Variants in PARD3B observed in about 807,000 individuals in gnomAD.
The protein encoded by PARD3B is par-3 family cell polarity regulator beta, also known as partitioning defective 3 homolog B.
A neutral mutation model predicts 130.2 loss-of-function variants in PARD3B; 103 were observed. The observed-to-expected ratio is 0.79, with a 90% CI of 0.67 to 0.93. PARD3B has a LOEUF of 0.93. Ranked by LOEUF, PARD3B falls within the 40% of genes least tolerant of loss-of-function variation. PARD3B has a pLI of 0.00. For synonymous variants in PARD3B, 583 were observed against 553.2 expected, an observed-to-expected ratio of 1.05 and a Z score of -0.76; for missense variants, 1,609 against 1,499.2, an observed-to-expected ratio of 1.07 and a Z score of -1.21.
intron 2 of PARD3B, among the ~76,000 whole-genome samples, chr2:204,792,513 A>G (rs1050301083): frequency 1.3e-5 from 2 of 151,820 alleles, no homozygotes; most frequent in African/African-American, 4.9e-5. Flanking sequence ...AAAACCAGAC[A>G]AATTCCTGAG....
At chr2:204,862,234 T>A (rs188776664) in intron 2 of PARD3B, among the ~76,000 whole-genome samples, 3 of 152,302 alleles carry the variant, frequency 2.0e-5, no homozygotes, top group Non-Finnish European at 4.4e-5. Flanking sequence ...GGAAGTGCAG[T>A]GGAAACCTCT....
chr2:205,054,580 T>C (rs1420133169), intron 4 of PARD3B, among the ~76,000 whole-genome samples: 1 of 151,220 alleles, frequency 6.6e-6, no homozygotes, highest in South Asian at 2.1e-4. Context: ...TATCTCCTAA[T>C]GCTATCCCTT....
chr2:205,607,330 G>A (rs945619161), intron 22 of PARD3B, among the ~76,000 whole-genome samples: 1 of 152,130 alleles, frequency 6.6e-6, no homozygotes, highest in African/African-American at 2.4e-5. Flanking sequence ...TTCACCCGGT[G>A]CCAGCAGGCA....
chr2:205,476,623 T>C, intron 20 of PARD3B, among the ~76,000 whole-genome samples: 1 of 151,888 alleles, frequency 6.6e-6, no homozygotes, highest in South Asian at 2.1e-4. Context: ...GTTTTTTGTT[T>C]GTTTTTTTGT....
intron 1 of PARD3B, among the ~76,000 whole-genome samples, chr2:204,631,534 A>G (rs1373314796): frequency 1.3e-5 from 2 of 152,206 alleles, no homozygotes; most frequent in Admixed American, 1.3e-4. Flanking sequence ...GGCATGAGCC[A>G]CTGTGCCCAG....
chr2:205,185,667 T>C (rs1325032439), intron 13 of PARD3B, 97 bp from the exon 14 acceptor site: 3 of 923,244 alleles, frequency 3.2e-6, no homozygotes, highest in East Asian at 4.9e-5. Flanking sequence ...GTTTATGTGT[T>C]GGCTAAAACT....
chr2:204,553,447 C>T lies in PARD3B; in HGVS notation c.120+7328C>T, dbSNP rs1207806441. ...TCATTATATGAAAAAGATACTTGCACATGCATGTTTAGCAGCACACTTTGC... is the reference window on the plus strand; with the variant it reads ...TCATTATATGAAAAAGATACTTGCATATGCATGTTTAGCAGCACACTTTGC... On this transcript the variant is annotated intron_variant, in intron 1 of 22. Transcript: ENST00000406610. 2.0e-5 allele frequency among the ~76,000 whole-genome samples: 3 copies of T among 151,434 alleles called. No individual in the cohort carries two copies. In the East Asian group the frequency reaches 5.8e-4, roughly 29 times the overall value.
At chr2:205,061,701 A>C (rs1700074162) in intron 4 of PARD3B, among the ~76,000 whole-genome samples, 1 of 152,006 alleles carries the variant, frequency 6.6e-6, no homozygotes, top group African/African-American at 2.4e-5. Context: ...CACTTAGCAC[A>C]CAGCTAGCAA....
chr2:204,609,115 G>A (rs1437362630), intron 1 of PARD3B, among the ~76,000 whole-genome samples: 2 of 152,172 alleles, frequency 1.3e-5, no homozygotes, highest in African/African-American at 4.8e-5. Context: ...TTCTCCAGGA[G>A]GCAGGATTAG....
At position 204,898,047 on chromosome 2, in the gene PARD3B, T is replaced by C. The variant is rs76801759; in HGVS notation, c.223-67105T>C. Among the ~76,000 whole-genome samples, 252 of 152,090 alleles carry C rather than the reference T, an allele frequency of 1.7e-3. 2 individuals are homozygous for C. The highest frequency in any genetic ancestry group is 5.8e-3 in the African/African-American group (241 of 41,534). ...TAATGATTGGTGCACATGTTATAAA[T>C]GTACTTCACACCAATACACTGTATA... is the stretch of plus-strand genomic sequence containing the variant. On this transcript the variant is annotated intron_variant, in intron 2 of 22. Coordinates refer to ENST00000406610, the MANE Select transcript of PARD3B (RefSeq NM_001302769.2).
chr2:205,014,568 T>C (rs1695978171), intron 3 of PARD3B, among the ~76,000 whole-genome samples: 1 of 152,236 alleles, frequency 6.6e-6, no homozygotes, highest in Non-Finnish European at 1.5e-5. Context: ...TTATTTGGCA[T>C]GTTCTAATAA....
At chr2:204,601,710 C>T (rs1350000480) in intron 1 of PARD3B, among the ~76,000 whole-genome samples, 8 of 151,784 alleles carry the variant, frequency 5.3e-5, no homozygotes, top group Admixed American at 5.3e-4. Flanking sequence ...CACTGTTATC[C>T]CAGGAATGCT....
At chr2:205,261,136 T>C (rs932440986) in intron 16 of PARD3B, among the ~76,000 whole-genome samples, 2 of 152,308 alleles carry the variant, frequency 1.3e-5, no homozygotes, top group Middle Eastern at 3.4e-3. Flanking sequence ...GCATTTTTAA[T>C]CTATCCAAGA....
At chr2:205,270,777 A>C (rs947005368) in intron 16 of PARD3B, among the ~76,000 whole-genome samples, 1 of 152,054 alleles carries the variant, frequency 6.6e-6, no homozygotes, top group Non-Finnish European at 1.5e-5. Flanking sequence ...AGATCTAGGC[A>C]AAACAGGAAG....
At position 205,007,900 on chromosome 2, in the gene PARD3B, C is replaced by A. The variant is rs370441128; in HGVS notation, c.395-39681C>A. Among the ~76,000 whole-genome samples, 220 of 152,072 alleles carry A rather than the reference C, an allele frequency of 1.4e-3. 1 individual carries two copies. Among genetic ancestry groups the A allele is most frequent in the African/African-American group, 4.9e-3 (203 of 41,476 alleles). The stretch of plus-strand genomic sequence containing the variant: ...GTTTAATTGTTTTCCTTGTAGATAT[C>A]TTTTACCTCCTTGGTTAAATACACT... On this transcript the variant is annotated intron_variant, in intron 3 of 22. Transcript: ENST00000406610.
intron 18 of PARD3B, among the ~76,000 whole-genome samples, chr2:205,365,090 CTTGGGAGGCTAAGGCAGGAGAA>C (rs1030157262): frequency 6.6e-6 from 1 of 151,622 alleles, no homozygotes; most frequent in African/African-American, 2.4e-5. Context: ...ATCCCAGCTA[CTTGGGAGGCTAAGGCAGGAGAA>C]TTGTTTGAAC....
intron 18 of PARD3B, among the ~76,000 whole-genome samples, chr2:205,370,551 G>A (rs2044773342): frequency 6.6e-6 from 1 of 152,190 alleles, no homozygotes; most frequent in Non-Finnish European, 1.5e-5. Flanking sequence ...AAGGGCAGGA[G>A]TATCTCCCGG....
intron 2 of PARD3B, among the ~76,000 whole-genome samples, chr2:204,763,264 A>G (rs1249522881): frequency 2.0e-5 from 3 of 152,318 alleles, no homozygotes; most frequent in Non-Finnish European, 4.4e-5. Flanking sequence ...TTTAGCTAAA[A>G]CAAAGGCAGT....
At chr2:205,251,212 G>A (rs1225050269) in intron 16 of PARD3B, among the ~76,000 whole-genome samples, 1 of 152,078 alleles carries the variant, frequency 6.6e-6, no homozygotes, top group Non-Finnish European at 1.5e-5. Flanking sequence ...AGTATGAGAG[G>A]GACATCTAAT....
Sources: gnomAD v4.1 joint callset for allele counts (sites outside exome capture counted in the v4.1 genomes callset) on GRCh38, gnomAD v4.1.1 for gene constraint, MANE v1.5 for transcripts, NCBI Gene and HGNC (gene_info 2026-07-23, HGNC 2026-07-21) for gene names.